UVRAG: variants seen among roughly 807,000 people sequenced by gnomAD.
UVRAG encodes UV radiation resistance-associated gene protein.
In UVRAG, 19 loss-of-function variants were observed where a neutral mutation model predicts 78.0. That is an observed-to-expected ratio of 0.24 (90% CI 0.17 to 0.36). The LOEUF is 0.36. Ranked by LOEUF, UVRAG falls within the 10% of genes least tolerant of loss-of-function variation. The pLI is 1.00. For synonymous variants in UVRAG, 323 were observed against 324.6 expected (o/e 1.00, Z 0.05); for missense variants, 740 against 853.8 (o/e 0.87, Z 1.66).
Position 75,910,579 on chromosome 11 carries a change from A to G in UVRAG, c.508-1375A>G, listed in dbSNP as rs184603874. Among the ~76,000 whole-genome samples the G allele has an allele frequency of 4.9e-3, 692 of 141,032 alleles. 3 individuals carry two copies. The highest frequency in any genetic ancestry group is 0.017 in the African/African-American group (629 of 37,582). 92.5% of individuals were successfully genotyped at this position (141,032 alleles called of 152,430 possible). The stretch of plus-strand genomic sequence containing the variant: ...TTGACAGTGTCTTGCTCTTTCACTC[A>G]GGCTGGAGTGCAGTGGTGTGACCGC... On this transcript the variant is annotated intron_variant, in intron 5 of 14. Transcript: ENST00000356136.
chr11:75,996,702 C>A (rs1324815086), intron 8 of UVRAG, among the ~76,000 whole-genome samples: 1 of 152,150 alleles, frequency 6.6e-6, no homozygotes, highest in Non-Finnish European at 1.5e-5. Context: ...GAATGAAATT[C>A]TCCCCATTTT....
intron 2 of UVRAG, among the ~76,000 whole-genome samples, chr11:75,860,984 G>C (rs1946409486): frequency 6.6e-6 from 1 of 152,080 alleles, no homozygotes; most frequent in Non-Finnish European, 1.5e-5. Context: ...GTTTCATCCT[G>C]TTGGCCATAA....
At chr11:75,977,697 T>A (rs901264370) in intron 7 of UVRAG, among the ~76,000 whole-genome samples, 9 of 152,182 alleles carry the variant, frequency 5.9e-5, no homozygotes, top group Non-Finnish European at 1.2e-4. Flanking sequence ...TTGCAACCCC[T>A]GCTTTTTTGT....
chr11:75,884,182 C>G (rs1397698941), intron 4 of UVRAG, among the ~76,000 whole-genome samples: 1 of 149,822 alleles, frequency 6.7e-6, no homozygotes, highest in Non-Finnish European at 1.5e-5. Context: ...TTAAATTGAG[C>G]CTTGTAAGCA....
At chr11:76,039,132 A>G (rs1950594626) in intron 12 of UVRAG, among the ~76,000 whole-genome samples, 1 of 152,136 alleles carries the variant, frequency 6.6e-6, no homozygotes. Flanking sequence ...AAGTTACTTG[A>G]TCACCCTATG....
intron 13 of UVRAG, among the ~76,000 whole-genome samples, chr11:76,071,737 G>A (rs527369205): frequency 7.2e-5 from 11 of 152,234 alleles, no homozygotes; most frequent in African/African-American, 2.6e-4. Flanking sequence ...ATGGAGAGAA[G>A]TGAACAGATT....
intron 12 of UVRAG, among the ~76,000 whole-genome samples, chr11:76,054,256 C>T (rs1950935796): frequency 6.6e-6 from 1 of 152,172 alleles, no homozygotes; most frequent in African/African-American, 2.4e-5. Context: ...CATAGAAGAT[C>T]TGTCACCAGA....
chr11:76,140,603 A>G (rs1952699167), intron 14 of UVRAG, 108 bp from the exon 15 acceptor site: 2 of 1,103,832 alleles, frequency 1.8e-6, no homozygotes, highest in Non-Finnish European at 2.5e-6. Context: ...ATTCTTATCT[A>G]TTTTTATTAG....
chr11:76,063,146 A>T (rs1951125034), intron 12 of UVRAG, among the ~76,000 whole-genome samples: 1 of 152,260 alleles, frequency 6.6e-6, no homozygotes, highest in Non-Finnish European at 1.5e-5. Flanking sequence ...TTCTGCTAGT[A>T]GCAGTGCGTA....
Position 76,115,831 on chromosome 11 carries a change from T to C in UVRAG, c.1306-93T>C, listed in dbSNP as rs946622866. 14 of 1,112,266 alleles carry C rather than the reference T, an allele frequency of 1.3e-5. No individual in the cohort carries two copies. In the African/African-American group the frequency reaches 1.4e-4, roughly 11 times the overall value. 68.9% of individuals were successfully genotyped at this position (1,112,266 alleles called of 1,614,324 possible). A position where few individuals can be genotyped will look rare whatever the true frequency, so the allele number is the denominator to read the frequency against. ...TATCAAACATTTACATTTCCTCTTTTAGAGTTCAAAAAAATAACTTGTTTA... is the reference window on the plus strand; with the variant it reads ...TATCAAACATTTACATTTCCTCTTTCAGAGTTCAAAAAAATAACTTGTTTA... On this transcript the variant is annotated intron_variant, in intron 13 of 14. Transcript: ENST00000356136.
At chr11:76,053,714 G>C (rs1240021664) in intron 12 of UVRAG, among the ~76,000 whole-genome samples, 1 of 152,168 alleles carries the variant, frequency 6.6e-6, no homozygotes, top group Non-Finnish European at 1.5e-5. Flanking sequence ...GCTCACACCT[G>C]TAATCCCAGA....
chr11:76,126,656 T>C (rs1274700579), intron 14 of UVRAG, among the ~76,000 whole-genome samples: 1 of 152,246 alleles, frequency 6.6e-6, no homozygotes, highest in Non-Finnish European at 1.5e-5. Context: ...TGTGTTTTTC[T>C]CAACACATTG....
intron 6 of UVRAG, among the ~76,000 whole-genome samples, chr11:75,941,673 G>T (rs2135137731): frequency 6.6e-6 from 1 of 152,150 alleles, no homozygotes; most frequent in Admixed American, 6.6e-5. Context: ...ATTCCCCCCT[G>T]CAACCTGATA....
At chr11:76,008,752 A>T (rs1949996879) in intron 10 of UVRAG, 55 bp from the exon 11 acceptor site, 5 of 1,009,622 alleles carry the variant, frequency 5.0e-6, no homozygotes, top group Non-Finnish European at 7.3e-6. Flanking sequence ...TCTGAGATTT[A>T]ACTTAGAGTT....
intron 6 of UVRAG, among the ~76,000 whole-genome samples, chr11:75,917,307 A>G (rs568156185): frequency 4.1e-4 from 62 of 152,312 alleles, no homozygotes; most frequent in Non-Finnish European, 6.0e-4. Flanking sequence ...CAGTCATAAT[A>G]AAAAATATTT....
At chr11:75,927,130 C>A (rs950168286) in intron 6 of UVRAG, among the ~76,000 whole-genome samples, 3 of 148,912 alleles carry the variant, frequency 2.0e-5, no homozygotes, top group African/African-American at 7.5e-5. Flanking sequence ...AGTGCAGTGG[C>A]GCAATCTCGG....
At chr11:76,124,554 C>A (rs115590542) in intron 14 of UVRAG, among the ~76,000 whole-genome samples, 112 of 152,342 alleles carry the variant, frequency 7.4e-4, no homozygotes, top group African/African-American at 2.6e-3. Context: ...GAGACAGAAT[C>A]AATCTCAGTG....
At chr11:75,981,963 A>G (rs151273501) in intron 7 of UVRAG, among the ~76,000 whole-genome samples, 73 of 150,648 alleles carry the variant, frequency 4.8e-4, no homozygotes, top group African/African-American at 1.8e-3. Flanking sequence ...CTTAATTGCT[A>G]TTGAAGCATT....
At position 76,137,093 on chromosome 11, in the gene UVRAG, T is replaced by C. The variant is rs1313736280; in HGVS notation, c.1398-3618T>C. ...ATCAATTCTGAACAGCTAAAACTAA[T>C]GTTACCAAACTCATATAATAAATAC... On this transcript the variant is annotated intron_variant, in intron 14 of 14. Coordinates refer to ENST00000356136, the MANE Select transcript of UVRAG (RefSeq NM_003369.4). 2.4e-5 allele frequency: 5 copies of C among 210,706 alleles called. No homozygotes were observed. The East Asian group carries it at 4.5e-4, about 19-fold the overall frequency. 13.1% of individuals were successfully genotyped at this position (210,706 alleles called of 1,614,324 possible). A position where few individuals can be genotyped will look rare whatever the true frequency, so the allele number is the denominator to read the frequency against.
Sources: gnomAD v4.1 joint callset for allele counts (sites outside exome capture counted in the v4.1 genomes callset) on GRCh38, gnomAD v4.1.1 for gene constraint, MANE v1.5 for transcripts, NCBI Gene and HGNC (gene_info 2026-07-23, HGNC 2026-07-21) for gene names.